The following SUGCT variants were observed in gnomAD, a reference collection of about 807,000 sequenced individuals.
The protein encoded by SUGCT is succinyl-CoA:glutarate CoA-transferase.
In SUGCT, 41 loss-of-function variants were observed where a neutral mutation model predicts 55.0. That is an observed-to-expected ratio of 0.74 (90% CI 0.58 to 0.97). The LOEUF (loss-of-function observed/expected upper bound fraction) is 0.97. SUGCT is among the 50% of genes least tolerant of loss of function. The pLI, the probability that SUGCT is intolerant of heterozygous loss-of-function variation, is 0.00. For missense variants in SUGCT, 568 were observed against 547.8 expected, an observed-to-expected ratio of 1.04 and a Z score of -0.37; for synonymous variants, 187 against 200.4, an observed-to-expected ratio of 0.93 and a Z score of 0.56.
chr7:40,506,676 TTATTA>T (rs1203415234), intron 12 of SUGCT, among the ~76,000 whole-genome samples: 2 of 152,278 alleles, frequency 1.3e-5, no homozygotes, highest in East Asian at 3.9e-4. Flanking sequence ...TTCTTCTATT[TTATTA>T]TGTTTCATAT....
chr7:41,021,151 A>G, the SUGCT span, among the ~76,000 whole-genome samples: 3 of 152,158 alleles, frequency 2.0e-5, no homozygotes, highest in African/African-American at 7.2e-5. Flanking sequence ...GGCACAAATA[A>G]TCTCTTGAGA....
chr7:40,450,594 G>A (rs890220499), intron 10 of SUGCT, among the ~76,000 whole-genome samples: 2 of 151,932 alleles, frequency 1.3e-5, no homozygotes, highest in Non-Finnish European at 2.9e-5. Context: ...GAGCAACAAG[G>A]TGAAACCCTG....
intron 1 of SUGCT, among the ~76,000 whole-genome samples, chr7:40,160,689 G>A (rs1274195307): frequency 1.3e-5 from 2 of 152,088 alleles, no homozygotes; most frequent in Non-Finnish European, 1.5e-5. Flanking sequence ...TGTGCATGTA[G>A]AAATATGGAC....
intron 8 of SUGCT, among the ~76,000 whole-genome samples, chr7:40,276,111 A>G (rs1792458407): frequency 6.6e-6 from 1 of 152,214 alleles, no homozygotes; most frequent in Non-Finnish European, 1.5e-5. Flanking sequence ...AAAAAACATC[A>G]ATATGGTTGA....
the SUGCT span, among the ~76,000 whole-genome samples, chr7:40,881,090 A>G: frequency 6.6e-6 from 1 of 152,198 alleles, no homozygotes; most frequent in East Asian, 1.9e-4. Context: ...ATCCTCCACT[A>G]TGAGATTTTC....
At chr7:40,243,332 A>G (rs1445173475) in intron 7 of SUGCT, among the ~76,000 whole-genome samples, 1 of 152,058 alleles carries the variant, frequency 6.6e-6, no homozygotes, top group Non-Finnish European at 1.5e-5. Flanking sequence ...TATTGACCAT[A>G]TGTGTAATGT....
chr7:40,201,320 C>T (rs1459553250), intron 6 of SUGCT, among the ~76,000 whole-genome samples: 3 of 152,100 alleles, frequency 2.0e-5, no homozygotes, highest in Non-Finnish European at 4.4e-5. Context: ...AGACAGTAGT[C>T]TAGTTCATCT....
chr7:40,342,065 A>G (rs1381857363), intron 9 of SUGCT, among the ~76,000 whole-genome samples: 1 of 152,214 alleles, frequency 6.6e-6, no homozygotes, highest in East Asian at 1.9e-4. Context: ...GGCCATGATG[A>G]AGTCATCCTC....
chr7:40,228,511 T>A (rs957556231), intron 6 of SUGCT, among the ~76,000 whole-genome samples: 2 of 152,000 alleles, frequency 1.3e-5, no homozygotes, highest in Non-Finnish European at 2.9e-5. Flanking sequence ...TGTGTGTGTG[T>A]TTTTGTTGTT....
the SUGCT span, among the ~76,000 whole-genome samples, chr7:40,925,821 T>G: frequency 6.6e-6 from 1 of 152,160 alleles, no homozygotes; most frequent in South Asian, 2.1e-4. Context: ...TTGCCAGTCA[T>G]GATGGCTCAT....
At chr7:40,784,089 C>T (rs1000941289) in intron 13 of SUGCT, among the ~76,000 whole-genome samples, 5 of 152,106 alleles carry the variant, frequency 3.3e-5, no homozygotes, top group African/African-American at 1.2e-4. Flanking sequence ...ATCTTTCTAT[C>T]CCTGAGTATG....
chr7:40,653,910 C>T (rs1800895471), intron 12 of SUGCT, among the ~76,000 whole-genome samples: 1 of 151,764 alleles, frequency 6.6e-6, no homozygotes, highest in South Asian at 2.1e-4. Flanking sequence ...CTGTGTGACA[C>T]AGTAGCAAGT....
intron 13 of SUGCT, among the ~76,000 whole-genome samples, chr7:40,810,526 G>A (rs554216892): frequency 6.6e-6 from 1 of 152,234 alleles, no homozygotes; most frequent in South Asian, 2.1e-4. Flanking sequence ...GTGATGTGGA[G>A]CATTTTTTCA....
chr7:40,886,985 T>C, the SUGCT span, among the ~76,000 whole-genome samples: 2 of 152,188 alleles, frequency 1.3e-5, no homozygotes, highest in East Asian at 3.9e-4. Flanking sequence ...CCTACTTCCG[T>C]TTCCCTTGGA....
chr7:40,470,223 C>T (rs1268758325), intron 11 of SUGCT, among the ~76,000 whole-genome samples: 1 of 152,036 alleles, frequency 6.6e-6, no homozygotes, highest in African/African-American at 2.4e-5. Flanking sequence ...CTGACTCATC[C>T]CTGTCCTGCC....
chr7:40,660,066 A>G (rs1341681373), intron 12 of SUGCT, among the ~76,000 whole-genome samples: 1 of 152,248 alleles, frequency 6.6e-6, no homozygotes, highest in Non-Finnish European at 1.5e-5. Flanking sequence ...GCTATAACAA[A>G]TTAACACCAA....
In SUGCT at chr7:40,135,781, C is replaced by A. The variant is rs545610050; in HGVS notation, c.100+661C>A. On this transcript the variant is annotated intron_variant, in intron 1 of 13. Coordinates refer to ENST00000335693, the MANE Select transcript of SUGCT (RefSeq NM_001193313.2). ...AGGAGATTTTCCTGCTTCAGCCTTC[C>A]GAGTAGCTGGGATTATAGGCATGCG... 4.0e-5 allele frequency among the ~76,000 whole-genome samples: 6 copies of A among 151,372 alleles called. No individual in the cohort carries two copies. In the East Asian group the frequency reaches 1.2e-3, roughly 30 times the overall value.
chr7:40,474,538 C>T (rs1195271663), intron 11 of SUGCT, among the ~76,000 whole-genome samples: 4 of 152,260 alleles, frequency 2.6e-5, no homozygotes, highest in South Asian at 2.1e-4. Context: ...GGAAAAGCCA[C>T]ATGCAAAGAA....
intron 13 of SUGCT, among the ~76,000 whole-genome samples, chr7:40,772,613 A>ATCTG: frequency 6.7e-6 from 1 of 149,334 alleles, no homozygotes; most frequent in South Asian, 2.1e-4. Context: ...CTATCTATCT[A>ATCTG]TCTATCTATC....
Sources: allele counts gnomAD v4.1 joint callset (sites outside exome capture counted in the v4.1 genomes callset), GRCh38; gene constraint gnomAD v4.1.1; transcripts MANE v1.5; gene names NCBI Gene and HGNC (gene_info 2026-07-23, HGNC 2026-07-21).